RAD50: variants seen among roughly 807,000 people sequenced by gnomAD.
The protein encoded by RAD50 is DNA repair protein RAD50.
RAD50 carries 132 observed loss-of-function variants against 168.8 expected under a neutral mutation model. The observed-to-expected ratio is 0.78, with a 90% CI of 0.68 to 0.90. The LOEUF is 0.90. Ranked by LOEUF, RAD50 falls within the 40% of genes least tolerant of loss-of-function variation. The pLI is 0.00. For missense variants in RAD50, 1,347 were observed against 1,534.4 expected, an observed-to-expected ratio of 0.88 and a Z score of 2.04; for synonymous variants, 525 against 497.4, an observed-to-expected ratio of 1.06 and a Z score of -0.74.
At position 132,637,098 on chromosome 5, in the gene RAD50, A is replaced by G. The variant is rs779048090; in HGVS notation, c.3390-17A>G. 3.1e-6 allele frequency: 5 copies of G among 1,599,338 alleles called. No individual in the cohort carries two copies. The South Asian group carries it at 3.3e-5, about 11-fold the overall frequency. On this transcript the variant is annotated splice_polypyrimidine_tract_variant and intron_variant, in intron 21 of 24. Transcript: ENST00000378823. ...TATTTTTTATATATATGAAGTACCAATGACTTCCTTTTCCAGAGCAATAAT... is the reference window on the plus strand; with the variant it reads ...TATTTTTTATATATATGAAGTACCAGTGACTTCCTTTTCCAGAGCAATAAT...
intron 19 of RAD50, among the ~76,000 whole-genome samples, chr5:132,611,521 C>T (rs1025084733): frequency 7.9e-5 from 12 of 151,414 alleles, no homozygotes; most frequent in South Asian, 6.3e-4. Context: ...CTGGCTAACA[C>T]GCCGAAACCC....
rs926267930 is a variant in RAD50 at position 132,643,330 on chromosome 5, T to C, written c.*966T>C. On this transcript the variant is annotated 3_prime_UTR_variant, in exon 25 of 25. Transcript: ENST00000378823. ...CTAAGAAAAGCCTAATCACAGTTTT[T>C]CCTGGAATTGCCAGCTGACATCTTG... 8 of 248,358 alleles carry C rather than the reference T, an allele frequency of 3.2e-5. No homozygotes were observed. The highest frequency in any genetic ancestry group is 6.6e-5 in the Non-Finnish European group (8 of 122,092). The allele number at this position is 248,358 out of a possible 1,614,324, so 15.4% of individuals were successfully genotyped here. A position where few individuals can be genotyped will look rare whatever the true frequency, so the allele number is the denominator to read the frequency against.
rs781748680 is a variant in RAD50, at chr5:132,642,393, A to G, written c.*29A>G. On this transcript the variant is annotated 3_prime_UTR_variant, in exon 25 of 25. Transcript: ENST00000378823. ...TATCCAAGATTTAAATGCCATAGAAATGTAGGTCCTCAGAAAGTGTATAAT... is the reference window on the plus strand; with the variant it reads ...TATCCAAGATTTAAATGCCATAGAAGTGTAGGTCCTCAGAAAGTGTATAAT... 12 of 1,579,458 alleles carry G rather than the reference A, an allele frequency of 7.6e-6. No homozygotes were observed. In the Admixed American group the frequency reaches 1.7e-4, roughly 22 times the overall value.
chr5:132,617,431 A>G (rs1751197843), intron 20 of RAD50, among the ~76,000 whole-genome samples: 1 of 152,228 alleles, frequency 6.6e-6, no homozygotes, highest in African/African-American at 2.4e-5. Flanking sequence ...TGCCTGACAC[A>G]TAAGAGGATG....
rs773011534 is a variant in RAD50, at chr5:132,575,437, G to A, written c.214-340G>A. ...AAATTCAAGATGAGATTTGGGTGGA[G>A]ACAAAGACAAACCAAATCATTCTAC... On this transcript the variant is annotated intron_variant, in intron 2 of 24. Transcript: ENST00000378823. Among the ~76,000 whole-genome samples the A allele has an allele frequency of 4.0e-4, 61 of 152,126 alleles. 1 individual carries two copies. Among genetic ancestry groups the A allele is most frequent in the Admixed American group, 3.7e-3 (56 of 15,276 alleles).
At chr5:132,636,046 T>C (rs1751574808) in intron 21 of RAD50, among the ~76,000 whole-genome samples, 1 of 152,234 alleles carries the variant, frequency 6.6e-6, no homozygotes, top group African/African-American at 2.4e-5. Flanking sequence ...ACGAAATGAT[T>C]CTACAGAGGC....
intron 21 of RAD50, among the ~76,000 whole-genome samples, chr5:132,630,016 A>T: frequency 6.6e-6 from 1 of 151,268 alleles, no homozygotes; most frequent in Middle Eastern, 3.4e-3. Flanking sequence ...TTTTCCCCAG[A>T]TGTGGAAGGT....
At chr5:132,600,337 G>T (rs1750868049) in intron 13 of RAD50, among the ~76,000 whole-genome samples, 1 of 152,176 alleles carries the variant, frequency 6.6e-6, no homozygotes, top group South Asian at 2.1e-4. Context: ...GGTGGCAGTG[G>T]AGTGGAAACT....
intron 21 of RAD50, among the ~76,000 whole-genome samples, chr5:132,636,795 A>G (rs1474463175): frequency 6.6e-6 from 1 of 152,180 alleles, no homozygotes; most frequent in Non-Finnish European, 1.5e-5. Context: ...AGTCTAAAAA[A>G]TTATGTTTCC....
chr5:132,604,359 G>C (rs570697331), intron 15 of RAD50, among the ~76,000 whole-genome samples: 22 of 151,718 alleles, frequency 1.5e-4, no homozygotes, highest in African/African-American at 5.3e-4. Context: ...TCCGCCTCCC[G>C]GGTTCAAGTG....
Position 132,609,019 on chromosome 5 carries a change from C to T in RAD50, c.2830-98C>T, listed in dbSNP as rs189126718. On this transcript the variant is annotated intron_variant, in intron 17 of 24. Coordinates refer to ENST00000378823, the MANE Select transcript of RAD50 (RefSeq NM_005732.4). ...AATTCAGTAGTGGTGGAAACTGGAA[C>T]CCAATGTTCATAACTTCCCAGCCAG... 8 of 1,517,322 alleles carry T rather than the reference C, an allele frequency of 5.3e-6. No individual in the cohort carries two copies. The East Asian group carries it at 9.3e-5, about 18-fold the overall frequency. 94.0% of individuals were successfully genotyped at this position (1,517,322 alleles called of 1,614,324 possible).
chr5:132,563,148 A>G (rs1406621815), intron 2 of RAD50, among the ~76,000 whole-genome samples: 1 of 150,904 alleles, frequency 6.6e-6, no homozygotes, highest in Non-Finnish European at 1.5e-5. Context: ...GGATAAAGGA[A>G]AGTTTTGTTG....
rs373817937 is a variant in RAD50 at position 132,604,811 on chromosome 5, A to C, written c.2530A>C (p.Ser844Arg). 7.5e-6 allele frequency: 12 copies of C among 1,607,022 alleles called. No individual in the cohort carries two copies. The East Asian group carries it at 2.7e-4, about 36-fold the overall frequency. Reference sequence around the variant, plus strand: ...GATAATATGTTTTTGTGTAGTTTCTAGTAAGATTGAATTGAATCGTAAGCT... The same window carrying C: ...GATAATATGTTTTTGTGTAGTTTCTCGTAAGATTGAATTGAATCGTAAGCT... ...EKQHKLDTVSSKIELNRKLIQ... is the reference protein window; with the variant it reads ...EKQHKLDTVSRKIELNRKLIQ... The change falls in exon 16 of 25, where the codon AGT becomes CGT. Residue 844 changes from serine (S) to arginine (R), a missense_variant. Physicochemically the swap from Ser to Arg is moderately radical, Grantham distance 110. Transcript: ENST00000378823.
At chr5:132,574,406 T>C (rs1750358735) in intron 2 of RAD50, among the ~76,000 whole-genome samples, 1 of 152,148 alleles carries the variant, frequency 6.6e-6, no homozygotes, top group South Asian at 2.1e-4. Context: ...GGGCACCAAG[T>C]CCCTAGACCG....
chr5:132,569,537 T>C (rs959011787), intron 2 of RAD50, among the ~76,000 whole-genome samples: 1 of 149,862 alleles, frequency 6.7e-6, no homozygotes, highest in African/African-American at 2.6e-5. Context: ...GCAAGGTCAA[T>C]TGGAGATCTC....
At chr5:132,561,906 G>T (rs559420040) in intron 2 of RAD50, among the ~76,000 whole-genome samples, 16 of 151,892 alleles carry the variant, frequency 1.1e-4, no homozygotes, top group African/African-American at 3.9e-4. Flanking sequence ...CTGTGTTCCT[G>T]TTCCAAGCCA....
intron 2 of RAD50, among the ~76,000 whole-genome samples, chr5:132,570,580 A>C (rs754920454): frequency 6.6e-6 from 1 of 152,198 alleles, no homozygotes; most frequent in East Asian, 1.9e-4. Flanking sequence ...CTAGCTTCCA[A>C]CTTTTCTTTG....
intron 21 of RAD50, among the ~76,000 whole-genome samples, chr5:132,623,953 T>C (rs1751327475): frequency 6.6e-6 from 1 of 152,230 alleles, no homozygotes; most frequent in Non-Finnish European, 1.5e-5. Context: ...TATACAAGTT[T>C]TAGGAAGTAC....
At chr5:132,560,613 G>A (rs1750108831) in intron 2 of RAD50, among the ~76,000 whole-genome samples, 1 of 152,150 alleles carries the variant, frequency 6.6e-6, no homozygotes, top group South Asian at 2.1e-4. Context: ...GTACATACGT[G>A]CCCATACTGT....
Sources: allele counts gnomAD v4.1 joint callset (sites outside exome capture counted in the v4.1 genomes callset), GRCh38; gene constraint gnomAD v4.1.1; transcripts MANE v1.5; gene names NCBI Gene and HGNC (gene_info 2026-07-23, HGNC 2026-07-21).